Variants in CNTRL observed in about 807,000 individuals in gnomAD.
The protein encoded by CNTRL is centriolin.
CNTRL carries 233 observed loss-of-function variants against 303.7 expected under a neutral mutation model. The observed-to-expected ratio is 0.77, with a 90% CI of 0.69 to 0.86. The LOEUF (loss-of-function observed/expected upper bound fraction) is 0.86, where lower values mean the gene tolerates loss of function less well. Ranked by LOEUF, CNTRL falls within the 40% of genes least tolerant of loss-of-function variation. The pLI is 0.00. For missense variants in CNTRL, 2,524 were observed against 2,650.6 expected (o/e 0.95, Z 1.05); for synonymous variants, 900 against 922.2 (o/e 0.98, Z 0.44).
chr9:121,148,927 T>A, intron 24 of CNTRL, 66 bp downstream of exon 24: 1 of 1,438,882 alleles, frequency 6.9e-7, no homozygotes, highest in Non-Finnish European at 9.6e-7. Flanking sequence ...ACTGATTCTC[T>A]GAAACCCCTA....
chr9:121,136,332 A>G (rs1228874049), intron 15 of CNTRL, among the ~76,000 whole-genome samples: 1 of 151,386 alleles, frequency 6.6e-6, no homozygotes, highest in African/African-American at 2.4e-5. Context: ...TTTTTTTGAG[A>G]CAGAGTCTTG....
rs776043579 is a variant in CNTRL at position 121,116,977 on chromosome 9, A to G, written c.1456-1369A>G. 6.6e-5 allele frequency among the ~76,000 whole-genome samples: 10 copies of G among 152,248 alleles called. No homozygotes were observed. The East Asian group carries it at 1.9e-3, about 29-fold the overall frequency. ...ATAATAGTACTGGCCAAAGCTTTAC[A>G]TAGATTGATAGATGTAAATAATGTA... On this transcript the variant is annotated intron_variant, in intron 11 of 43. Transcript: ENST00000373855.
intron 38 of CNTRL, 88 bp downstream of exon 38, chr9:121,168,409 C>T (rs2053178054): frequency 8.6e-7 from 1 of 1,157,568 alleles, no homozygotes; most frequent in Non-Finnish European, 1.3e-6. Context: ...AGATCCGGAC[C>T]CCAGCCAGAG....
At chr9:121,152,785 G>C in intron 26 of CNTRL, 92 bp downstream of exon 26, 1 of 1,027,156 alleles carries the variant, frequency 9.7e-7, no homozygotes, top group South Asian at 1.6e-5. Context: ...GAATGTTCTT[G>C]ATCTTCTGTC....
chr9:121,159,760 A>G (rs1177733913), intron 31 of CNTRL, among the ~76,000 whole-genome samples: 1 of 151,968 alleles, frequency 6.6e-6, no homozygotes. Context: ...TGAGTTTAGA[A>G]ACACTCTATC....
In CNTRL at chr9:121,138,479, G is replaced by C. The variant is rs559135512; in HGVS notation, c.2203-66G>C. On this transcript the variant is annotated intron_variant, in intron 15 of 43. Coordinates refer to ENST00000373855, the MANE Select transcript of CNTRL (RefSeq NM_007018.6). ...ATTGTGTGTATATGTAAATTTATTT[G>C]TGCCTTTTAAAATCATAAATTATTG... 7 of 1,511,680 alleles carry C rather than the reference G, an allele frequency of 4.6e-6. No homozygotes were observed. In the East Asian group the frequency reaches 1.6e-4, roughly 35 times the overall value. The allele number at this position is 1,511,680 out of a possible 1,614,324, so 93.6% of individuals were successfully genotyped here. A position where few individuals can be genotyped will look rare whatever the true frequency, so the allele number is the denominator to read the frequency against.
At chr9:121,150,085 TTC>T in intron 24 of CNTRL, 83 bp from the exon 25 acceptor site, 1 of 1,077,042 alleles carries the variant, frequency 9.3e-7, no homozygotes, top group Non-Finnish European at 1.3e-6. Context: ...AATGCTGCTG[TTC>T]TCTACTAAAT....
Position 121,150,304 on chromosome 9 carries a change from C to T in CNTRL, c.3784C>T (p.Leu1262=), listed in dbSNP as rs148936734. The T allele has an allele frequency of 6.2e-7, 1 of 1,614,158 alleles. No homozygotes were observed. Among genetic ancestry groups the T allele is most frequent in the African/African-American group, 1.3e-5 (1 of 75,018 alleles). The change falls in exon 25 of 44, where the codon CTG becomes TTG. Residue 1262 remains leucine, a synonymous_variant. Transcript: ENST00000373855. ...TTCTCCTGTACCCCAGGGCATGGCC[C>T]TGTATGCACCACCTCCTCCCTTGCC... ...DGSPVPQGMA[L]YAPPPPLPNN...
intron 2 of CNTRL, among the ~76,000 whole-genome samples, chr9:121,083,013 A>C (rs771128394): frequency 6.6e-6 from 1 of 151,284 alleles, no homozygotes; most frequent in African/African-American, 2.4e-5. Context: ...AAAATATGGT[A>C]TAAAATGTAA....
rs149113705 is a variant in CNTRL, at chr9:121,113,542, T to C, written c.1163T>C (p.Ile388Thr). 4.6e-5 allele frequency: 74 copies of C among 1,603,804 alleles called. No individual in the cohort carries two copies. Among genetic ancestry groups the C allele is most frequent in the Admixed American group, 4.0e-4 (23 of 56,808 alleles). The stretch of plus-strand genomic sequence containing the variant: ...AAAGCCCCAGATGAAAGCCCTTACA[T>C]TGGCAAATCCAGATACAAGAGAAAT... ...IDKAPDESPY[I>T]GKSRYKRNMF... Residue 388 changes from isoleucine (I) to threonine (T), a missense_variant, in exon 10 of 44, where the codon ATT becomes ACT. Physicochemically the swap from Ile to Thr is moderately conservative, Grantham distance 89. Coordinates refer to ENST00000373855, the MANE Select transcript of CNTRL (RefSeq NM_007018.6).
intron 14 of CNTRL, among the ~76,000 whole-genome samples, chr9:121,134,626 G>T (rs1381640442): frequency 1.2e-4 from 18 of 152,166 alleles, no homozygotes; most frequent in Admixed American, 1.0e-3. Context: ...ACCATATTCA[G>T]ATTTTCTTGA....
intron 12 of CNTRL, among the ~76,000 whole-genome samples, chr9:121,121,276 A>C (rs2050211928): frequency 6.6e-6 from 1 of 152,082 alleles, no homozygotes; most frequent in Admixed American, 6.5e-5. Context: ...ACATCTATCC[A>C]TTTTTCTTTC....
chr9:121,109,237 GA>G (rs1381434530), intron 8 of CNTRL, among the ~76,000 whole-genome samples: 12 of 151,992 alleles, frequency 7.9e-5, no homozygotes, highest in Admixed American at 5.9e-4. Flanking sequence ...TAATAATTAA[GA>G]AAAAATATCT....
chr9:121,122,932 G>A (rs1315801598), intron 12 of CNTRL, among the ~76,000 whole-genome samples: 8 of 152,112 alleles, frequency 5.3e-5, no homozygotes, highest in Admixed American at 3.3e-4. Flanking sequence ...GAGACTCACC[G>A]GGCTAAGTGG....
Position 121,141,506 on chromosome 9 carries a change from A to T in CNTRL, c.2609A>T (p.Glu870Val). 6.2e-7 allele frequency: 1 copy of T among 1,614,152 alleles called. No homozygotes were observed. Among genetic ancestry groups the T allele is most frequent in the Non-Finnish European group, 8.5e-7 (1 of 1,180,008 alleles). The change falls in exon 18 of 44, where the codon GAA becomes GTA. Residue 870 changes from glutamate to valine, a missense_variant. Physicochemically the swap from Glu to Val is moderately radical, Grantham distance 121. Coordinates refer to ENST00000373855, the MANE Select transcript of CNTRL (RefSeq NM_007018.6). ...EAQVRERKLQEEMALQQEKLA... is the reference protein window; with the variant it reads ...EAQVRERKLQVEMALQQEKLA... ...CAAGTTAGAGAGAGAAAACTCCAAG[A>T]AGAAATGGCTCTGCAGCAAGAGAAA...
At chr9:121,128,709 C>A (rs1299475621) in intron 14 of CNTRL, among the ~76,000 whole-genome samples, 1 of 152,122 alleles carries the variant, frequency 6.6e-6, no homozygotes. Flanking sequence ...GTCATGAAGT[C>A]CTTGCCCATG....
intron 14 of CNTRL, among the ~76,000 whole-genome samples, chr9:121,130,332 T>G (rs1447531237): frequency 6.6e-6 from 1 of 152,202 alleles, no homozygotes; most frequent in Non-Finnish European, 1.5e-5. Context: ...TATTCAGAGA[T>G]TCAACTTCTT....
chr9:121,149,531 G>C (rs1351614049), intron 24 of CNTRL, among the ~76,000 whole-genome samples: 1 of 151,794 alleles, frequency 6.6e-6, no homozygotes, highest in African/African-American at 2.4e-5. Context: ...TCAGCCTCCC[G>C]AGTAGCTGGG....
At chr9:121,101,388 C>G (rs2049159325) in intron 7 of CNTRL, among the ~76,000 whole-genome samples, 1 of 152,166 alleles carries the variant, frequency 6.6e-6, no homozygotes, top group African/African-American at 2.4e-5. Context: ...ATCTCTAGGA[C>G]ACGTTTAAAG....
Sources: allele counts gnomAD v4.1 joint callset (sites outside exome capture counted in the v4.1 genomes callset), GRCh38; gene constraint gnomAD v4.1.1; transcripts MANE v1.5; gene names NCBI Gene and HGNC (gene_info 2026-07-23, HGNC 2026-07-21).